SENP7: variants seen among roughly 807,000 people sequenced by gnomAD.
The protein encoded by SENP7 is sentrin-specific protease 7.
A neutral mutation model predicts 141.2 loss-of-function variants in SENP7; 64 were observed. That is an observed-to-expected ratio of 0.45 (90% CI 0.37 to 0.56). SENP7 has a LOEUF of 0.56. SENP7 is among the 20% of genes least tolerant of loss of function. The pLI is 0.00. For missense variants in SENP7, 1,025 were observed against 1,212.2 expected (o/e 0.85, Z 2.29); for synonymous variants, 382 against 426.4 (o/e 0.90, Z 1.28).
At chr3:101,457,789 G>A (rs1267363066) in intron 4 of SENP7, 8 of 625,888 alleles carry the variant, frequency 1.3e-5, no homozygotes, top group Non-Finnish European at 2.3e-5. Flanking sequence ...GAGGGTCCTG[G>A]GTGGACCAGC....
intron 4 of SENP7, among the ~76,000 whole-genome samples, chr3:101,436,777 A>G (rs908102320): frequency 6.6e-6 from 1 of 152,222 alleles, no homozygotes; most frequent in Non-Finnish European, 1.5e-5. Flanking sequence ...ACAGGCAATA[A>G]CAAATGCTGG....
chr3:101,382,790 T>C (rs2060540738), intron 6 of SENP7, among the ~76,000 whole-genome samples: 1 of 152,098 alleles, frequency 6.6e-6, no homozygotes, highest in South Asian at 2.1e-4. Context: ...GTTAAAGAGG[T>C]CTTGCCAGGG....
chr3:101,327,633 G>T, intron 23 of SENP7, 33 bp downstream of exon 23: 1 of 1,547,656 alleles, frequency 6.5e-7, no homozygotes, highest in Non-Finnish European at 8.8e-7. Flanking sequence ...GGTGGTAACT[G>T]TGAATTAAAA....
chr3:101,417,954 C>A lies in SENP7; in HGVS notation c.285-164G>T, dbSNP rs1009750928. 4.6e-5 allele frequency among the ~76,000 whole-genome samples: 7 copies of A among 152,102 alleles called. No homozygotes were observed. The East Asian group carries it at 7.7e-4, about 17-fold the overall frequency. On this transcript the variant is annotated intron_variant, in intron 4 of 23. Transcript: ENST00000394095. Reference sequence around the variant, plus strand: ...AAATGCCTAACTATTATCAAAGATACCTTAAAAAGTAAAATCTATTTCACT... The same window carrying A: ...AAATGCCTAACTATTATCAAAGATAACTTAAAAAGTAAAATCTATTTCACT...
chr3:101,409,897 A>G (rs1368923295), intron 5 of SENP7, among the ~76,000 whole-genome samples: 1 of 152,216 alleles, frequency 6.6e-6, no homozygotes, highest in Non-Finnish European at 1.5e-5. Flanking sequence ...ATGACCAAGA[A>G]CCCAAAACAA....
chr3:101,326,154 A>T (rs1285820096), intron 23 of SENP7, 74 bp from the exon 24 acceptor site: 37 of 1,247,810 alleles, frequency 3.0e-5, no homozygotes, highest in Non-Finnish European at 3.5e-5. Context: ...CATTTTTATA[A>T]GAAATGACAA....
chr3:101,415,026 GC>G (rs1247615607), intron 5 of SENP7, among the ~76,000 whole-genome samples: 1 of 152,158 alleles, frequency 6.6e-6, no homozygotes, highest in Non-Finnish European at 1.5e-5. Flanking sequence ...TCTCTTTGTT[GC>G]CAACATCCTG....
At chr3:101,333,095 A>T (rs1308842111) in intron 17 of SENP7, 1 of 449,334 alleles carries the variant, frequency 2.2e-6, no homozygotes, top group Non-Finnish European at 3.8e-6. Context: ...GCAATTTATT[A>T]AATGCTTTTC....
intron 4 of SENP7, among the ~76,000 whole-genome samples, chr3:101,440,861 G>T (rs1222705791): frequency 6.6e-6 from 1 of 152,124 alleles, no homozygotes; most frequent in African/African-American, 2.4e-5. Context: ...ATATGAAAAT[G>T]AATTTATCCA....
At chr3:101,379,740 T>C (rs1007631155) in intron 6 of SENP7, among the ~76,000 whole-genome samples, 10 of 152,182 alleles carry the variant, frequency 6.6e-5, no homozygotes, top group Non-Finnish European at 8.8e-5. Context: ...TGTAACATGG[T>C]GCAGCCACTA....
At chr3:101,443,937 C>T (rs1390913518) in intron 4 of SENP7, among the ~76,000 whole-genome samples, 1 of 150,784 alleles carries the variant, frequency 6.6e-6, no homozygotes, top group African/African-American at 2.4e-5. Flanking sequence ...AAGAAACTAC[C>T]ATCAGAGTGA....
chr3:101,399,882 T>G (rs1395294561), intron 5 of SENP7, among the ~76,000 whole-genome samples: 1 of 152,186 alleles, frequency 6.6e-6, no homozygotes, highest in African/African-American at 2.4e-5. Flanking sequence ...CACTTCAGCC[T>G]CCCAAAATTC....
At chr3:101,426,186 G>C (rs2061951763) in intron 4 of SENP7, among the ~76,000 whole-genome samples, 1 of 152,106 alleles carries the variant, frequency 6.6e-6, no homozygotes, top group Admixed American at 6.5e-5. Flanking sequence ...AACTTCCCCA[G>C]CCTAGCTAGA....
At chr3:101,458,510 T>C (rs2063434250) in intron 4 of SENP7, 1 of 154,658 alleles carries the variant, frequency 6.5e-6, no homozygotes, top group Non-Finnish European at 1.4e-5. Context: ...AGGACCATAG[T>C]TGCTAAACAG....
intron 1 of SENP7, among the ~76,000 whole-genome samples, chr3:101,508,820 G>GT (rs2065734414): frequency 6.6e-6 from 1 of 152,092 alleles, no homozygotes; most frequent in African/African-American, 2.4e-5. Flanking sequence ...AAGTCACAAA[G>GT]TACTAACAGC....
chr3:101,485,416 G>A (rs756243607), intron 3 of SENP7, among the ~76,000 whole-genome samples: 4 of 152,074 alleles, frequency 2.6e-5, no homozygotes, highest in South Asian at 2.1e-4. Context: ...GAGATCCATC[G>A]ATGACTCACA....
At chr3:101,496,448 G>T (rs2065160864) in intron 2 of SENP7, among the ~76,000 whole-genome samples, 1 of 151,986 alleles carries the variant, frequency 6.6e-6, no homozygotes, top group African/African-American at 2.4e-5. Context: ...CAGACACAGG[G>T]TCTTACTTTG....
intron 4 of SENP7, among the ~76,000 whole-genome samples, chr3:101,455,096 A>G (rs1030059848): frequency 6.6e-6 from 1 of 152,198 alleles, no homozygotes; most frequent in Non-Finnish European, 1.5e-5. Context: ...GCAGTTCCAA[A>G]GTAATACAAA....
At position 101,328,699 on chromosome 3, in the gene SENP7, CAT is replaced by C; in HGVS notation, c.2752-12_2752-11del. The C allele has an allele frequency of 6.3e-7, 1 of 1,599,050 alleles. No homozygotes were observed. Among genetic ancestry groups the C allele is most frequent in the Non-Finnish European group, 8.6e-7 (1 of 1,169,496 alleles). On this transcript the variant is annotated splice_polypyrimidine_tract_variant and intron_variant, in intron 20 of 23. Coordinates refer to ENST00000394095, the MANE Select transcript of SENP7 (RefSeq NM_020654.5). The stretch of plus-strand genomic sequence containing the variant: ...TATTCGACTCGGTACTCTGAAATAA[CAT>C]AAATTTTTATGACTGCAATTAAAGC...
Sources: gnomAD v4.1 joint callset for allele counts (sites outside exome capture counted in the v4.1 genomes callset) on GRCh38, gnomAD v4.1.1 for gene constraint, MANE v1.5 for transcripts, NCBI Gene and HGNC (gene_info 2026-07-23, HGNC 2026-07-21) for gene names.